SHANK2: variants seen among roughly 807,000 people sequenced by gnomAD.
The protein encoded by SHANK2 is SH3 and multiple ankyrin repeat domains 2, also known as SH3 and multiple ankyrin repeat domains protein 2.
In SHANK2, 43 loss-of-function variants were observed where a neutral mutation model predicts 133.7. That is an observed-to-expected ratio of 0.32 (90% confidence interval 0.25 to 0.41). SHANK2 has a LOEUF of 0.41. Among genes scored for constraint, SHANK2 ranks in the 10% least tolerant of loss-of-function variants. SHANK2 has a pLI of 1.00. For synonymous variants in SHANK2, 1,017 were observed against 952.8 expected (o/e 1.07, Z -1.24); for missense variants, 1,994 against 2,235.8 (o/e 0.89, Z 2.18).
chr11:70,636,660 T>C (rs1418605154), intron 17 of SHANK2, among the ~76,000 whole-genome samples: 2 of 151,232 alleles, frequency 1.3e-5, no homozygotes, highest in Admixed American at 6.6e-5. Context: ...TATGAATATA[T>C]GTGTGAGCAC....
intron 11 of SHANK2, among the ~76,000 whole-genome samples, chr11:70,880,225 T>G (rs569896023): frequency 2.5e-4 from 38 of 152,328 alleles, no homozygotes; most frequent in African/African-American, 8.7e-4. Flanking sequence ...AAACAGCACA[T>G]GCACCCTGAT....
chr11:71,105,009 T>A (rs1338553632), intron 6 of SHANK2, among the ~76,000 whole-genome samples: 1 of 152,210 alleles, frequency 6.6e-6, no homozygotes, highest in Admixed American at 6.5e-5. Flanking sequence ...TAGTTTGATC[T>A]GTACAAAAAC....
At chr11:70,749,945 A>C (rs1946720332) in intron 14 of SHANK2, among the ~76,000 whole-genome samples, 1 of 152,244 alleles carries the variant, frequency 6.6e-6, no homozygotes, top group South Asian at 2.1e-4. Flanking sequence ...TAATAAACAA[A>C]CTTCTCAAAT....
intron 15 of SHANK2, among the ~76,000 whole-genome samples, chr11:70,697,315 G>A (rs1945415876): frequency 6.6e-6 from 1 of 152,212 alleles, no homozygotes; most frequent in Non-Finnish European, 1.5e-5. Flanking sequence ...TTGGGGGCGG[G>A]GAAGGAATGA....
intron 17 of SHANK2, among the ~76,000 whole-genome samples, chr11:70,512,060 C>T (rs573734178): frequency 1.3e-5 from 2 of 152,252 alleles, no homozygotes; most frequent in African/African-American, 2.4e-5. Flanking sequence ...TTTACATTTT[C>T]GATATTATCC....
intron 1 of SHANK2, among the ~76,000 whole-genome samples, chr11:71,236,885 C>T (rs1037427798): frequency 5.3e-5 from 8 of 152,186 alleles, no homozygotes; most frequent in African/African-American, 1.9e-4. Context: ...TAAACAAAAC[C>T]CAATGTGGCA....
In SHANK2 at chr11:70,487,068, G is replaced by A. The variant is rs2058819846; in HGVS notation, c.3225C>T (p.Ser1075=). The change falls in exon 25 of 26, where the codon AGC becomes AGT. Residue 1075 remains serine, a synonymous_variant. Transcript: ENST00000601538. This position sits in a 1 kb window ranked among gnomAD's most constrained non-coding sequence, Gnocchi z 5.8. ...QLRPDESLTV[S]SPFAAAIAGA... ...CGGCGATGGCGGCGGCAAAGGGGCTGCTGACGGTCAGGCTTTCGTCAGGCC... is the reference window on the plus strand; with the variant it reads ...CGGCGATGGCGGCGGCAAAGGGGCTACTGACGGTCAGGCTTTCGTCAGGCC... 6.2e-7 allele frequency: 1 copy of A among 1,609,484 alleles called. No individual in the cohort carries two copies. The highest frequency in any genetic ancestry group is 8.5e-7 in the Non-Finnish European group (1 of 1,179,824).
intron 11 of SHANK2, among the ~76,000 whole-genome samples, chr11:70,844,386 A>G (rs1164310393): frequency 3.3e-5 from 5 of 152,086 alleles, no homozygotes; most frequent in African/African-American, 9.7e-5. Context: ...CTCTCCCCCT[A>G]AATCCTTACT....
At chr11:71,167,387 G>A (rs549413708) in intron 2 of SHANK2, among the ~76,000 whole-genome samples, 11 of 145,610 alleles carry the variant, frequency 7.6e-5, no homozygotes, top group South Asian at 2.2e-4. Context: ...CTCACCTCCC[G>A]GACAGGGCGG....
chr11:70,857,666 G>T (rs1165359966), intron 11 of SHANK2, among the ~76,000 whole-genome samples: 2 of 152,156 alleles, frequency 1.3e-5, no homozygotes, highest in Non-Finnish European at 2.9e-5. Context: ...TGACGTGATG[G>T]CCCACCTCTT....
chr11:71,132,372 G>A (rs1357642767), intron 3 of SHANK2, among the ~76,000 whole-genome samples: 2 of 152,188 alleles, frequency 1.3e-5, no homozygotes, highest in Non-Finnish European at 2.9e-5. Context: ...GCAAAGAGGG[G>A]ACGGCTGCTC....
chr11:71,070,434 C>G (rs1347445459), intron 9 of SHANK2, among the ~76,000 whole-genome samples: 1 of 152,190 alleles, frequency 6.6e-6, no homozygotes, highest in Non-Finnish European at 1.5e-5. Flanking sequence ...ACCAGGGGAG[C>G]CAGCTAATGC....
chr11:71,147,319 C>A lies in SHANK2; in HGVS notation c.8G>T (p.Arg3Leu), dbSNP rs369450251. Reference protein sequence around the residue: MPRSPTSSEDEMA... With the variant: MPLSPTSSEDEMA... ...CTCGTCCTCGCTGGATGTTGGGCTG[C>A]GCGGCATGGCTGCCTGTGTCTTCGA... The change falls in exon 3 of 26, where the codon CGC (arginine) becomes CTC (leucine). Residue 3 changes from arginine (R) to leucine (L), a missense_variant. By Grantham distance (102) the Arg-to-Leu change is moderately radical. Transcript: ENST00000601538. 5.2e-6 allele frequency: 8 copies of A among 1,547,416 alleles called. No individual in the cohort carries two copies. In the African/African-American group the frequency reaches 6.9e-5, roughly 13 times the overall value.
intron 10 of SHANK2, among the ~76,000 whole-genome samples, chr11:70,954,494 G>A (rs1347024059): frequency 6.6e-6 from 1 of 152,220 alleles, no homozygotes; most frequent in East Asian, 1.9e-4. Context: ...TGGGAACTCA[G>A]TTTGGAGCTC....
chr11:70,557,268 C>A (rs781889893), intron 17 of SHANK2, among the ~76,000 whole-genome samples: 1 of 152,122 alleles, frequency 6.6e-6, no homozygotes, highest in Non-Finnish European at 1.5e-5. Context: ...ATCAACTGGC[C>A]TCAGGATCTC....
chr11:70,492,750 CTTTTTGGGACATTTCTGT>C (rs1283557104), intron 21 of SHANK2, among the ~76,000 whole-genome samples: 22 of 141,672 alleles, frequency 1.6e-4, no homozygotes, highest in African/African-American at 4.2e-4. Flanking sequence ...GGCTCTGAAG[CTTTTTGGGACATTTCTGT>C]TTTTTGGGAC....
intron 1 of SHANK2, among the ~76,000 whole-genome samples, chr11:71,250,511 G>C (rs1555125668): frequency 6.6e-6 from 1 of 152,140 alleles, no homozygotes; most frequent in Non-Finnish European, 1.5e-5. Context: ...CAGACACGAC[G>C]GCTTTCCCTC....
intron 10 of SHANK2, among the ~76,000 whole-genome samples, chr11:70,953,269 G>A (rs1444389601): frequency 1.3e-5 from 2 of 151,996 alleles, no homozygotes; most frequent in East Asian, 1.9e-4. Context: ...ATTAAATCAG[G>A]GATCTCCAGA....
intron 3 of SHANK2, among the ~76,000 whole-genome samples, chr11:71,135,037 TCA>T (rs1555104495): frequency 6.6e-6 from 1 of 152,066 alleles, no homozygotes; most frequent in South Asian, 2.1e-4. Flanking sequence ...CTCTGCTGCC[TCA>T]CACACACTGC....
Sources: gnomAD v4.1 joint callset for allele counts (sites outside exome capture counted in the v4.1 genomes callset) on GRCh38, gnomAD v4.1.1 for gene constraint, Gnocchi (gnomAD v3.1) non-coding constraint, MANE v1.5 for transcripts, NCBI Gene and HGNC (gene_info 2026-07-23, HGNC 2026-07-21) for gene names.